Variants in PDCD4 observed in about 807,000 individuals in gnomAD.
PDCD4 encodes programmed cell death protein 4.
In PDCD4, 56 loss-of-function variants were observed where a neutral mutation model predicts 54.0. The ratio of observed to expected loss-of-function variants is 1.04; its 90% CI spans 0.84 to 1.30. PDCD4 has a LOEUF of 1.30. Among genes scored for constraint, PDCD4 ranks in the 50% most tolerant of loss-of-function variants. The pLI is 0.00. For synonymous variants in PDCD4, 186 were observed against 194.8 expected, an observed-to-expected ratio of 0.95 and a Z score of 0.37; for missense variants, 584 against 559.8, an observed-to-expected ratio of 1.04 and a Z score of -0.44.
At chr10:110,877,350 C>T (rs998390626) in intron 2 of PDCD4, among the ~76,000 whole-genome samples, 5 of 152,246 alleles carry the variant, frequency 3.3e-5, no homozygotes, top group South Asian at 4.1e-4. Context: ...GGATTACAGG[C>T]GTGTGCACCA....
intron 7 of PDCD4, 37 bp downstream of exon 7, chr10:110,889,667 T>C (rs2135213365): frequency 8.6e-7 from 1 of 1,156,646 alleles, no homozygotes; most frequent in Non-Finnish European, 1.3e-6. Flanking sequence ...AATTTCAAAA[T>C]AGGGGAAAAT....
rs1845692888 is a variant in PDCD4, at chr10:110,887,872, C to T, written c.763C>T (p.Pro255Ser). 2 of 1,599,970 alleles carry T rather than the reference C, an allele frequency of 1.3e-6. No homozygotes were observed. Among genetic ancestry groups the T allele is most frequent in the Non-Finnish European group, 1.7e-6 (2 of 1,167,344 alleles). The change falls in exon 6 of 12, where the codon CCT becomes TCT. Residue 255 changes from proline (P) to serine (S), a missense_variant. Pro to Ser is a moderately conservative substitution (Grantham distance 74). Coordinates refer to ENST00000280154, the MANE Select transcript of PDCD4 (RefSeq NM_014456.5). ...TCTACCTGAATTAGCACTGGATACT[C>T]CTAGAGCACCACAGGTTTGTATGAT... ...KDLPELALDTPRAPQLVGQFI... is the reference protein window; with the variant it reads ...KDLPELALDTSRAPQLVGQFI...
At chr10:110,872,613 G>T (rs1845434107) in intron 1 of PDCD4, among the ~76,000 whole-genome samples, 1 of 152,210 alleles carries the variant, frequency 6.6e-6, no homozygotes, top group African/African-American at 2.4e-5. Flanking sequence ...GAACAGGCCC[G>T]GCCGCTGTGG....
chr10:110,881,796 A>G (rs1845596960), intron 3 of PDCD4, among the ~76,000 whole-genome samples: 1 of 152,314 alleles, frequency 6.6e-6, no homozygotes, highest in Middle Eastern at 3.4e-3. Context: ...CAAAATATAC[A>G]CTGATGTTTT....
At chr10:110,876,197 A>G (rs1473169709) in intron 2 of PDCD4, 127 bp downstream of exon 2, 8 of 610,274 alleles carry the variant, frequency 1.3e-5, no homozygotes, top group Non-Finnish European at 2.2e-5. Flanking sequence ...GGCTTAAGAG[A>G]TCCTCCCCTA....
intron 1 of PDCD4, among the ~76,000 whole-genome samples, chr10:110,875,451 G>A (rs539314806): frequency 6.3e-4 from 96 of 152,208 alleles, no homozygotes; most frequent in African/African-American, 2.3e-3. Context: ...GGTAATGAGT[G>A]GCAGATATAT....
chr10:110,892,287 T>C (rs538639040), intron 8 of PDCD4, among the ~76,000 whole-genome samples: 5 of 152,280 alleles, frequency 3.3e-5, no homozygotes, highest in African/African-American at 1.2e-4. Flanking sequence ...CTCTCCAAAA[T>C]TAATATTTTT....
In PDCD4 at chr10:110,897,957, T is replaced by A. The variant is rs1243535984; in HGVS notation, c.1350-71T>A. The A allele has an allele frequency of 1.2e-5, 13 of 1,125,158 alleles. No homozygotes were observed. In the South Asian group the frequency reaches 1.5e-4, roughly 13 times the overall value. The allele number at this position is 1,125,158 out of a possible 1,614,324, so 69.7% of individuals were successfully genotyped here. On this transcript the variant is annotated intron_variant, in intron 11 of 11. Transcript: ENST00000280154. ...ACGTAACGAAAAAATACCAAGTTTT[T>A]AATTTTTTTATATATTGACTATAGT... is the stretch of plus-strand genomic sequence containing the variant.
intron 2 of PDCD4, 57 bp from the exon 3 acceptor site, chr10:110,881,176 A>G (rs1590729488): frequency 3.8e-6 from 5 of 1,313,390 alleles, no homozygotes; most frequent in South Asian, 2.7e-5. Context: ...CACTATATCT[A>G]TAAAACAGTA....
chr10:110,894,364 T>G, intron 9 of PDCD4, 48 bp from the exon 10 acceptor site: 1 of 1,042,020 alleles, frequency 9.6e-7, no homozygotes. Flanking sequence ...TTAGGAGCAG[T>G]TTCATATATG....
Position 110,882,990 on chromosome 10 carries a change from T to C in PDCD4, c.347-13T>C. Reference sequence around the variant, plus strand: ...TTTTGTGTTTTTTCTTTCTCAATGCTAAACTTTTTCAGGTGGTGCAGGAGG... The same window carrying C: ...TTTTGTGTTTTTTCTTTCTCAATGCCAAACTTTTTCAGGTGGTGCAGGAGG... On this transcript the variant is annotated splice_polypyrimidine_tract_variant and intron_variant, in intron 3 of 11. Coordinates refer to ENST00000280154, the MANE Select transcript of PDCD4 (RefSeq NM_014456.5). 6.4e-7 allele frequency: 1 copy of C among 1,551,280 alleles called. No homozygotes were observed.
chr10:110,897,824 T>A (rs1358044391), intron 11 of PDCD4, among the ~76,000 whole-genome samples: 1 of 151,936 alleles, frequency 6.6e-6, no homozygotes. Context: ...AAACAAAAAC[T>A]CAGATTTGAT....
Position 110,899,296 on chromosome 10 carries a change from T to A in PDCD4, c.*1208T>A, listed in dbSNP as rs1845913626. The A allele has an allele frequency of 6.6e-6, 1 of 152,220 alleles. No homozygotes were observed. Among genetic ancestry groups the A allele is most frequent in the South Asian group, 2.1e-4 (1 of 4,836 alleles). The allele number at this position is 152,220 out of a possible 1,614,324, so 9.4% of individuals were successfully genotyped here. The stretch of plus-strand genomic sequence containing the variant: ...ACTGCTTACAGGTTTAGATATAGTC[T>A]GTTAGAATTAAAACCAAGTTTAGTG... On this transcript the variant is annotated 3_prime_UTR_variant, in exon 12 of 12. Transcript: ENST00000280154.
intron 1 of PDCD4, 59 bp from the exon 2 acceptor site, chr10:110,875,907 G>T: frequency 1.5e-6 from 1 of 688,736 alleles, no homozygotes; most frequent in Non-Finnish European, 2.4e-6. Context: ...GTTTAATTCA[G>T]CTTAATTACA....
chr10:110,889,425 T>A, intron 6 of PDCD4, 108 bp from the exon 7 acceptor site: 1 of 725,488 alleles, frequency 1.4e-6, no homozygotes, highest in South Asian at 1.5e-5. Flanking sequence ...ATCTTTTAGG[T>A]ACTGACTGTG....
intron 3 of PDCD4, among the ~76,000 whole-genome samples, chr10:110,881,916 G>A (rs1253025907): frequency 6.6e-6 from 1 of 152,056 alleles, no homozygotes; most frequent in Non-Finnish European, 1.5e-5. Context: ...ATATACATTT[G>A]ATTGATAACG....
At position 110,899,006 on chromosome 10, in the gene PDCD4, A is replaced by G. The variant is rs1237391718; in HGVS notation, c.*918A>G. ...GTTTTAGAAATATGTAATACCTTCC[A>G]TCATTCCATCATCCTTAAATTCTGT... On this transcript the variant is annotated 3_prime_UTR_variant, in exon 12 of 12. Transcript: ENST00000280154. 1 of 152,194 alleles carries G rather than the reference A, an allele frequency of 6.6e-6. No homozygotes were observed. The highest frequency in any genetic ancestry group is 1.5e-5 in the Non-Finnish European group (1 of 68,030). The allele number at this position is 152,194 out of a possible 1,614,324, so 9.4% of individuals were successfully genotyped here. A position where few individuals can be genotyped will look rare whatever the true frequency, so the allele number is the denominator to read the frequency against.
At chr10:110,889,982 C>G (rs1318675889) in intron 7 of PDCD4, among the ~76,000 whole-genome samples, 1 of 152,088 alleles carries the variant, frequency 6.6e-6, no homozygotes, top group African/African-American at 2.4e-5. Flanking sequence ...AGATGGATAA[C>G]CTTAAGAAGA....
chr10:110,872,305 T>G (rs1845422983), intron 1 of PDCD4: 1 of 152,218 alleles, frequency 6.6e-6, no homozygotes, highest in Admixed American at 6.5e-5. Context: ...CGGAGCCATC[T>G]CCCCACTGAG....
Sources: allele counts gnomAD v4.1 joint callset (sites outside exome capture counted in the v4.1 genomes callset), GRCh38; gene constraint gnomAD v4.1.1; transcripts MANE v1.5; gene names NCBI Gene and HGNC (gene_info 2026-07-23, HGNC 2026-07-21).